Variants in GBGT1 observed in about 807,000 individuals in gnomAD.
GBGT1 encodes the protein globoside alpha-1,3-N-acetylgalactosaminyltransferase 1 (FORS blood group).
Under a neutral mutation model 20.9 loss-of-function variants are expected in GBGT1, and 18 were observed. The ratio of observed to expected loss-of-function variants is 0.86; its 90% confidence interval spans 0.60 to 1.28. The LOEUF (loss-of-function observed/expected upper bound fraction) is 1.28. Among genes scored for constraint, GBGT1 ranks in the 50% most tolerant of loss-of-function variants. GBGT1 has a pLI of 0.00. For synonymous variants in GBGT1, 168 were observed against 180.8 expected, an observed-to-expected ratio of 0.93 and a Z score of 0.57; for missense variants, 432 against 455.7, an observed-to-expected ratio of 0.95 and a Z score of 0.47.
rs1042346887 is a variant in GBGT1, at chr9:133,154,152, C to T, written c.469G>A (p.Val157Ile). The change falls in exon 7 of 7, where the codon GTC (valine) becomes ATC (isoleucine). Residue 157 changes from valine (V) to isoleucine (I), a missense_variant. Transcript: ENST00000372040. This position sits in a 1 kb window ranked among gnomAD's most constrained non-coding sequence, Gnocchi z 4.2. Reference protein sequence around the residue: ...FTDNPAAVPGVPLGPHRLLSS... With the variant: ...FTDNPAAVPGIPLGPHRLLSS... ...AGAAGCCGGTGGGGACCCAGCGGGACCCCGGGAACGGCTGCAGGGTTGTCA... is the reference window on the plus strand; with the variant it reads ...AGAAGCCGGTGGGGACCCAGCGGGATCCCGGGAACGGCTGCAGGGTTGTCA... 2 of 1,597,532 alleles carry T rather than the reference C, an allele frequency of 1.3e-6. No individual in the cohort carries two copies. Among genetic ancestry groups the T allele is most frequent in the Non-Finnish European group, 1.7e-6 (2 of 1,167,232 alleles).
chr9:133,158,159 G>C (rs1331509561), intron 3 of GBGT1, among the ~76,000 whole-genome samples: 2 of 143,842 alleles, frequency 1.4e-5, no homozygotes, highest in Non-Finnish European at 1.5e-5. Flanking sequence ...AAAGGGAAAG[G>C]CCACCCAGCC....
In GBGT1 at chr9:133,153,500, G is replaced by C. The variant is rs757421745; in HGVS notation, c.*77C>G. On this transcript the variant is annotated 3_prime_UTR_variant, in exon 7 of 7. Coordinates refer to ENST00000372040, the MANE Select transcript of GBGT1 (RefSeq NM_021996.6). ...CTGACTGACAGGGAGGCGGGACAGG[G>C]CTGGTCTGCACGCTAGTGAAGCACT... 103 of 1,071,740 alleles carry C rather than the reference G, an allele frequency of 9.6e-5. No homozygotes were observed. Among genetic ancestry groups the C allele is most frequent in the Non-Finnish European group, 1.3e-4 (93 of 735,854 alleles). 66.4% of individuals were successfully genotyped at this position (1,071,740 alleles called of 1,614,324 possible). A position where few individuals can be genotyped will look rare whatever the true frequency, so the allele number is the denominator to read the frequency against.
Position 133,154,185 on chromosome 9 carries a change from T to C in GBGT1, c.436A>G (p.Ile146Val), listed in dbSNP as rs376407633. 72 of 1,584,176 alleles carry C rather than the reference T, an allele frequency of 4.5e-5. 1 individual carries two copies. Among genetic ancestry groups the C allele is most frequent in the Non-Finnish European group, 6.1e-5 (71 of 1,160,146 alleles). ...FMRGYRVHYY[I>V]FTDNPAAVPG... ...ACGGCTGCAGGGTTGTCAGTGAAGA[T>C]GTAGTAGTGCACCCGGTACCCACGC... is the stretch of plus-strand genomic sequence containing the variant. Residue 146 changes from isoleucine to valine, a missense_variant, in exon 7 of 7, where the codon ATC (isoleucine) becomes GTC (valine). Coordinates refer to ENST00000372040, the MANE Select transcript of GBGT1 (RefSeq NM_021996.6). The surrounding 1 kb of genome is among the most constrained non-coding windows in gnomAD (Gnocchi z 4.2).
In GBGT1 at chr9:133,161,451, C is replaced by T; in HGVS notation, c.137+16G>A. On this transcript the variant is annotated intron_variant, in intron 3 of 6. Transcript: ENST00000372040. ...CCCTCAGGGCCCCCAGTTCTCCTAG[C>T]CACACCCATACTTACAAGATCTCTG... 4 of 1,585,374 alleles carry T rather than the reference C, an allele frequency of 2.5e-6. No homozygotes were observed. The highest frequency in any genetic ancestry group is 3.5e-6 in the Non-Finnish European group (4 of 1,158,376).
At chr9:133,155,534 T>C (rs1462712916) in intron 5 of GBGT1, among the ~76,000 whole-genome samples, 4 of 152,218 alleles carry the variant, frequency 2.6e-5, no homozygotes, top group African/African-American at 9.6e-5. Context: ...ATTATTCATA[T>C]GTGCCAAGCC....
In GBGT1 at chr9:133,155,990, A is replaced by G. The variant is rs761932271; in HGVS notation, c.188+25T>C. 6.2e-6 allele frequency: 10 copies of G among 1,614,024 alleles called. No individual in the cohort carries two copies. The Admixed American group carries it at 1.7e-4, about 27-fold the overall frequency. ...GAGAGCCACCACCCTCACGGCCACA[A>G]AAGAGGAAATGCCAGTCTCCTTACC... On this transcript the variant is annotated intron_variant, in intron 4 of 6. Coordinates refer to ENST00000372040, the MANE Select transcript of GBGT1 (RefSeq NM_021996.6).
intron 3 of GBGT1, chr9:133,160,232 T>C: frequency 3.4e-6 from 1 of 291,510 alleles, no homozygotes; most frequent in Non-Finnish European, 7.5e-6. Flanking sequence ...TGAGCTGAGA[T>C]CACGCCACGG....
chr9:133,155,687 T>A (rs1358148329), intron 5 of GBGT1, among the ~76,000 whole-genome samples: 1 of 152,130 alleles, frequency 6.6e-6, no homozygotes, highest in Admixed American at 6.6e-5. Context: ...GGCACTACTA[T>A]CCACCTGCAC....
At chr9:133,155,817 T>C (rs1228844265) in intron 5 of GBGT1, 84 bp downstream of exon 5, 1 of 1,444,788 alleles carries the variant, frequency 6.9e-7, no homozygotes, top group East Asian at 2.3e-5. Context: ...ACCCTGATGT[T>C]AGCACCTCCA....
intron 1 of GBGT1, chr9:133,163,392 G>A (rs1833115181): frequency 6.5e-6 from 1 of 152,804 alleles, no homozygotes; most frequent in East Asian, 1.9e-4. Flanking sequence ...GGCGCCCGGG[G>A]GGAGGACACG....
chr9:133,158,428 A>G (rs954882063), intron 3 of GBGT1, among the ~76,000 whole-genome samples: 1 of 151,864 alleles, frequency 6.6e-6, no homozygotes, highest in Non-Finnish European at 1.5e-5. Context: ...ACAGGTGCCC[A>G]CCACCACACC....
intron 3 of GBGT1, among the ~76,000 whole-genome samples, chr9:133,157,585 T>G (rs1832909151): frequency 6.6e-6 from 1 of 152,172 alleles, no homozygotes; most frequent in Non-Finnish European, 1.5e-5. Flanking sequence ...CTCAGTAAGG[T>G]GAGGGATCCT....
At chr9:133,162,912 G>A (rs1230144687) in intron 1 of GBGT1, among the ~76,000 whole-genome samples, 1 of 152,228 alleles carries the variant, frequency 6.6e-6, no homozygotes, top group Non-Finnish European at 1.5e-5. Flanking sequence ...GCGGTCATGT[G>A]GACTCTAGGT....
At chr9:133,160,280 A>G (rs199502253) in intron 3 of GBGT1, 1 of 31,062 alleles carries the variant, frequency 3.2e-5, no homozygotes, top group Non-Finnish European at 6.6e-5. Context: ...CTCTGTCTCA[A>G]TATAATAATA....
At chr9:133,159,215 C>G (rs1159320759) in intron 3 of GBGT1, among the ~76,000 whole-genome samples, 1 of 152,200 alleles carries the variant, frequency 6.6e-6, no homozygotes, top group East Asian at 1.9e-4. Context: ...CCAGCCTCGG[C>G]CTCCCAAAGT....
At chr9:133,155,717 T>A (rs1271438059) in intron 5 of GBGT1, among the ~76,000 whole-genome samples, 184 bp downstream of exon 5, 2 of 152,122 alleles carry the variant, frequency 1.3e-5, no homozygotes, top group Non-Finnish European at 2.9e-5. Context: ...TCAGAGCAGT[T>A]GGGTACGCTG....
intron 3 of GBGT1, among the ~76,000 whole-genome samples, chr9:133,156,484 A>C (rs979724027): frequency 1.3e-5 from 2 of 151,916 alleles, no homozygotes; most frequent in East Asian, 1.9e-4. Flanking sequence ...AGATGGTGAA[A>C]CCTCGTCTCT....
chr9:133,161,516 A>T lies in GBGT1; in HGVS notation c.88T>A (p.Trp30Arg). The change falls in exon 3 of 7, where the codon TGG (tryptophan) becomes AGG (arginine). Residue 30 changes from tryptophan (W) to arginine (R), a missense_variant. Transcript: ENST00000372040. ...LSVLWVYLEN[W>R]LPVSYVPYYL... ...TAGGGGACATAGGAGACTGGCAGCC[A>T]GTTCTCAAGATACACCCTGTGAATA... is the stretch of plus-strand genomic sequence containing the variant. 2 of 1,610,156 alleles carry T rather than the reference A, an allele frequency of 1.2e-6. No individual in the cohort carries two copies. The highest frequency in any genetic ancestry group is 1.7e-6 in the Non-Finnish European group (2 of 1,177,672).
intron 3 of GBGT1, among the ~76,000 whole-genome samples, chr9:133,158,401 C>T (rs1371612404): frequency 6.6e-6 from 1 of 152,164 alleles, no homozygotes; most frequent in Non-Finnish European, 1.5e-5. Context: ...ACACCAGCAC[C>T]CTGAGGAGCT....
Sources: allele counts gnomAD v4.1 joint callset (sites outside exome capture counted in the v4.1 genomes callset), GRCh38; gene constraint gnomAD v4.1.1; non-coding constraint Gnocchi (gnomAD v3.1); transcripts MANE v1.5; gene names NCBI Gene and HGNC (gene_info 2026-07-23, HGNC 2026-07-21).